Variants in MACROD2 observed in about 807,000 individuals in gnomAD.
The protein encoded by MACROD2 is ADP-ribose glycohydrolase MACROD2.
MACROD2 carries 36 observed loss-of-function variants against 70.4 expected under a neutral mutation model. The ratio of observed to expected loss-of-function variants is 0.51; its 90% CI spans 0.39 to 0.68. The LOEUF is 0.68. Ranked by LOEUF, MACROD2 falls within the 30% of genes least tolerant of loss-of-function variation. MACROD2 has a pLI of 0.00. For missense variants in MACROD2, 496 were observed against 538.4 expected, an observed-to-expected ratio of 0.92 and a Z score of 0.78; for synonymous variants, 172 against 178.8, an observed-to-expected ratio of 0.96 and a Z score of 0.30.
chr20:15,412,924 C>A (rs1469768600), intron 6 of MACROD2, among the ~76,000 whole-genome samples: 1 of 152,100 alleles, frequency 6.6e-6, no homozygotes, highest in Non-Finnish European at 1.5e-5. Context: ...ATAAAATGTG[C>A]CCAAAGATGG....
intron 8 of MACROD2, among the ~76,000 whole-genome samples, chr20:15,657,962 C>T (rs879826963): frequency 2.0e-5 from 3 of 152,176 alleles, no homozygotes; most frequent in Admixed American, 2.0e-4. Context: ...CATTGCACTC[C>T]AGCCTGGGCA....
At chr20:14,797,489 C>T (rs6042928) in intron 5 of MACROD2, among the ~76,000 whole-genome samples, 1 of 152,006 alleles carries the variant, frequency 6.6e-6, no homozygotes, top group Non-Finnish European at 1.5e-5. Context: ...TGCCAAGCCC[C>T]TTCACCCTCA....
At position 14,843,413 on chromosome 20, in the gene MACROD2, A is replaced by G. The variant is rs1039441660; in HGVS notation, c.418+158454A>G. Among the ~76,000 whole-genome samples, 22 of 151,996 alleles carry G rather than the reference A, an allele frequency of 1.4e-4. 1 individual carries two copies. The highest frequency in any genetic ancestry group is 1.4e-3 in the Admixed American group (21 of 15,242). On this transcript the variant is annotated intron_variant, in intron 5 of 17. Transcript: ENST00000684519. ...TGAATAAAAATACATATCTTGGGAT[A>G]TGCTCAAAATACATTTTACTAAGAG...
intron 2 of MACROD2, among the ~76,000 whole-genome samples, chr20:14,044,239 C>T (rs965255684): frequency 2.0e-5 from 3 of 150,866 alleles, no homozygotes; most frequent in African/African-American, 7.3e-5. Flanking sequence ...TAAGGCGGTG[C>T]GTGTGGAGTT....
intron 9 of MACROD2, among the ~76,000 whole-genome samples, chr20:15,884,072 T>G (rs2147206521): frequency 6.6e-6 from 1 of 152,234 alleles, no homozygotes; most frequent in Middle Eastern, 3.4e-3. Flanking sequence ...ATACAGCTGA[T>G]GAACCTGAAG....
At chr20:15,437,862 T>G (rs2046446563) in intron 7 of MACROD2, among the ~76,000 whole-genome samples, 1 of 152,182 alleles carries the variant, frequency 6.6e-6, no homozygotes, top group South Asian at 2.1e-4. Context: ...TGGTATTCCA[T>G]GGTGTATATG....
Position 14,781,968 on chromosome 20 carries a change from C to T in MACROD2, c.418+97009C>T, listed in dbSNP as rs941962185. ...TGAGACAGAGTCTTGCTCTGTCACC[C>T]AGGCTGGAGTGCAGTGGTGATCTCA... On this transcript the variant is annotated intron_variant, in intron 5 of 17. Coordinates refer to ENST00000684519, the MANE Select transcript of MACROD2 (RefSeq NM_001351661.2). 1.1e-4 allele frequency among the ~76,000 whole-genome samples: 16 copies of T among 151,986 alleles called. 1 individual carries two copies. Among genetic ancestry groups the T allele is most frequent in the African/African-American group, 3.6e-4 (15 of 41,384 alleles).
chr20:15,802,208 T>C (rs2063732517), intron 8 of MACROD2, among the ~76,000 whole-genome samples: 1 of 152,162 alleles, frequency 6.6e-6, no homozygotes, highest in Admixed American at 6.5e-5. Context: ...CCTTGACTGA[T>C]TGCTCTGGCT....
intron 8 of MACROD2, among the ~76,000 whole-genome samples, chr20:15,813,830 C>T (rs1333444612): frequency 6.6e-6 from 1 of 152,080 alleles, no homozygotes; most frequent in Middle Eastern, 3.2e-3. Flanking sequence ...TTAATAGAGA[C>T]AGTGTGATAC....
At chr20:15,729,500 T>C (rs1168572473) in intron 8 of MACROD2, among the ~76,000 whole-genome samples, 1 of 152,194 alleles carries the variant, frequency 6.6e-6, no homozygotes, top group African/African-American at 2.4e-5. Context: ...AGTCTCCTGC[T>C]ATTATTGTGT....
chr20:14,840,679 T>C (rs2073077778), intron 5 of MACROD2, among the ~76,000 whole-genome samples: 1 of 152,160 alleles, frequency 6.6e-6, no homozygotes, highest in Non-Finnish European at 1.5e-5. Context: ...TGAGTTAAAC[T>C]GGCCCTAAAA....
In MACROD2 at chr20:15,672,909, G is replaced by A. The variant is rs528641799; in HGVS notation, c.645+173062G>A. ...TTTGCCATGCTGTTCTTGTGACAGT[G>A]AATAGGTCTCATGAGATCTGATGAT... On this transcript the variant is annotated intron_variant, in intron 8 of 17. Transcript: ENST00000684519. 1.7e-3 allele frequency among the ~76,000 whole-genome samples: 255 copies of A among 152,240 alleles called. 2 individuals are homozygous for A. The highest frequency in any genetic ancestry group is 3.2e-3 in the Admixed American group (49 of 15,292).
At chr20:15,238,621 G>A (rs765848108) in intron 6 of MACROD2, among the ~76,000 whole-genome samples, 2 of 152,004 alleles carry the variant, frequency 1.3e-5, no homozygotes, top group Non-Finnish European at 2.9e-5. Context: ...TCTTACTTTA[G>A]GACCGTGATC....
chr20:14,154,916 A>G (rs6042557), intron 3 of MACROD2, among the ~76,000 whole-genome samples: 2,226 of 152,284 alleles, frequency 0.015, 54 homozygotes, highest in African/African-American at 0.051. Flanking sequence ...TGTTTACATG[A>G]AACTCTCCCT....
chr20:14,606,324 A>G (rs915712488), intron 4 of MACROD2, among the ~76,000 whole-genome samples: 2 of 152,138 alleles, frequency 1.3e-5, no homozygotes, highest in Admixed American at 6.6e-5. Flanking sequence ...TTTAATGTCT[A>G]AAATTGAGAT....
intron 9 of MACROD2, among the ~76,000 whole-genome samples, chr20:15,871,047 G>T (rs2064573786): frequency 6.6e-6 from 1 of 151,592 alleles, no homozygotes; most frequent in South Asian, 2.1e-4. Flanking sequence ...GTGGTGATAG[G>T]CGCCTGTAGT....
At chr20:14,739,752 G>GT (rs1473386292) in intron 5 of MACROD2, among the ~76,000 whole-genome samples, 4 of 151,988 alleles carry the variant, frequency 2.6e-5, no homozygotes, top group East Asian at 1.9e-4. Flanking sequence ...ACATTACACT[G>GT]TTTTTTTACA....
rs912879597 is a variant in MACROD2 at position 15,254,061 on chromosome 20, G to A, written c.540+24000G>A. ...AGTGCTTTCTTTTCAATCATACTCC[G>A]ATTTGGTTAGTTCCAACTTAGGGGA... On this transcript the variant is annotated intron_variant, in intron 6 of 17. Transcript: ENST00000684519. 5.3e-5 allele frequency among the ~76,000 whole-genome samples: 8 copies of A among 152,204 alleles called. No homozygotes were observed. In the East Asian group the frequency reaches 9.7e-4, roughly 18 times the overall value.
chr20:14,856,069 A>G (rs2073252805), intron 5 of MACROD2, among the ~76,000 whole-genome samples: 1 of 152,156 alleles, frequency 6.6e-6, no homozygotes, highest in Non-Finnish European at 1.5e-5. Flanking sequence ...CCATTATATT[A>G]CATGAAACAT....
Sources: allele counts gnomAD v4.1 joint callset (sites outside exome capture counted in the v4.1 genomes callset), GRCh38; gene constraint gnomAD v4.1.1; transcripts MANE v1.5; gene names NCBI Gene and HGNC (gene_info 2026-07-23, HGNC 2026-07-21).